ANXA2: variants seen among roughly 807,000 people sequenced by gnomAD.
The protein encoded by ANXA2 is annexin II.
ANXA2 carries 28 observed loss-of-function variants against 47.3 expected under a neutral mutation model. The observed-to-expected ratio is 0.59, with a 90% CI of 0.44 to 0.81. The LOEUF is 0.81. Among genes scored for constraint, ANXA2 ranks in the 40% least tolerant of loss-of-function variants. The probability of loss-of-function intolerance (pLI) is 0.00; values close to 1 mark genes in which losing one functional copy is unlikely to be tolerated. For synonymous variants in ANXA2, 172 were observed against 155.5 expected (o/e 1.11, Z -0.79); for missense variants, 384 against 414.3 (o/e 0.93, Z 0.64).
At chr15:60,393,793 G>A (rs980612249) in intron 1 of ANXA2, among the ~76,000 whole-genome samples, 2 of 152,126 alleles carry the variant, frequency 1.3e-5, no homozygotes, top group Non-Finnish European at 2.9e-5. Flanking sequence ...CGCCCACAGG[G>A]TTTCCAACTT....
chr15:60,361,349 C>T (rs1216275626), intron 4 of ANXA2: 2 of 360,966 alleles, frequency 5.5e-6, no homozygotes, highest in African/African-American at 4.2e-5. Flanking sequence ...TGTGAGAGTG[C>T]AGGCACTTTG....
At chr15:60,357,701 G>A (rs1245337964) in intron 5 of ANXA2, among the ~76,000 whole-genome samples, 2 of 152,038 alleles carry the variant, frequency 1.3e-5, no homozygotes, top group Middle Eastern at 3.2e-3. Context: ...GGCTGAGGCA[G>A]GAGAATGGCG....
intron 7 of ANXA2, among the ~76,000 whole-genome samples, chr15:60,354,507 G>A (rs2062395715): frequency 6.6e-6 from 1 of 150,944 alleles, no homozygotes; most frequent in Non-Finnish European, 1.5e-5. Flanking sequence ...GCACATGCCT[G>A]TAGTCCCAGC....
intron 3 of ANXA2, among the ~76,000 whole-genome samples, chr15:60,379,356 A>G (rs573866112): frequency 5.0e-4 from 76 of 152,354 alleles, no homozygotes; most frequent in African/African-American, 1.7e-3. Context: ...TCTGGGGGAA[A>G]AAAAAGGAGA....
At chr15:60,351,374 C>A in intron 10 of ANXA2, 123 bp from the exon 11 acceptor site, 1 of 925,972 alleles carries the variant, frequency 1.1e-6, no homozygotes, top group South Asian at 1.4e-5. Flanking sequence ...AAAAGGGCTG[C>A]AAAATAGGAC....
rs140356576 is a variant in ANXA2 at position 60,351,812 on chromosome 15, A to G, written c.690T>C (p.Asp230=). ...CATAAGGGCTGTAACTCTTGTACCT[A>G]TCAAATACTGAGGAAAAACAACAAA... The part of the protein sequence containing the change: ...RSVPHLQKVF[D]RYKSYSPYDM... The change falls in exon 10 of 13, where the codon GAT becomes GAC. Residue 230 remains aspartate, a synonymous_variant. Coordinates refer to ENST00000451270, the MANE Select transcript of ANXA2 (RefSeq NM_004039.3). The G allele has an allele frequency of 3.6e-4, 582 of 1,609,658 alleles. 1 individual carries two copies. The highest frequency in any genetic ancestry group is 4.8e-4 in the Non-Finnish European group (560 of 1,176,112).
At chr15:60,358,496 G>C (rs1209019111) in intron 5 of ANXA2, among the ~76,000 whole-genome samples, 1 of 152,206 alleles carries the variant, frequency 6.6e-6, no homozygotes, top group African/African-American at 2.4e-5. Context: ...TGAAAAGCGT[G>C]TCAGCTATTA....
rs2062879062 is a variant in ANXA2, at chr15:60,382,658, G to A, written c.49-217C>T. ...CAAAGGCTCAGCTAGTTTAGAATAT[G>A]CTGTCTCAATTTCAACTTCTCATCT... On this transcript the variant is annotated intron_variant, in intron 2 of 12. Coordinates refer to ENST00000451270, the MANE Select transcript of ANXA2 (RefSeq NM_004039.3). 6 of 387,200 alleles carry A rather than the reference G, an allele frequency of 1.5e-5. No individual in the cohort carries two copies. In the South Asian group the frequency reaches 2.1e-4, roughly 14 times the overall value. 24.0% of individuals were successfully genotyped at this position (387,200 alleles called of 1,614,324 possible). A position where few individuals can be genotyped will look rare whatever the true frequency, so the allele number is the denominator to read the frequency against.
chr15:60,354,153 C>CCCAAGATGA lies in ANXA2; in HGVS notation c.588_588+1insTCATCTTGG (p.Arg196_Asp197insSerSerTrp). ...CTCAAAGCAAAAAGCTCAGCACTTA[C>CCCAAGATGA]CCGAGCATCTTGGTCAATCAGTTCA... On this transcript the variant is annotated inframe_insertion and splice_region_variant. Coordinates refer to ENST00000451270, the MANE Select transcript of ANXA2 (RefSeq NM_004039.3). 6.2e-7 allele frequency: 1 copy of CCCAAGATGA among 1,613,464 alleles called. No individual in the cohort carries two copies. The highest frequency in any genetic ancestry group is 8.5e-7 in the Non-Finnish European group (1 of 1,179,490).
At chr15:60,364,232 A>G (rs1392982924) in intron 4 of ANXA2, among the ~76,000 whole-genome samples, 197 bp downstream of exon 4, 1 of 152,244 alleles carries the variant, frequency 6.6e-6, no homozygotes, top group African/African-American at 2.4e-5. Context: ...TGATGACCTG[A>G]GGTGCACGCG....
At chr15:60,350,500 G>A (rs1404079416) in intron 11 of ANXA2, among the ~76,000 whole-genome samples, 1 of 152,178 alleles carries the variant, frequency 6.6e-6, no homozygotes, top group Non-Finnish European at 1.5e-5. Context: ...GCACCAAGGG[G>A]TGCTATTTGA....
intron 3 of ANXA2, among the ~76,000 whole-genome samples, chr15:60,371,877 C>T (rs8030804): frequency 0.39 from 59,028 of 152,066 alleles, 11,865 homozygotes; most frequent in Admixed American, 0.53. Flanking sequence ...TTTTGCCGGG[C>T]GCGGTGGCTC....
intron 1 of ANXA2, chr15:60,390,422 C>T: frequency 3.8e-6 from 2 of 525,148 alleles, no homozygotes; most frequent in South Asian, 1.5e-5. Context: ...GTGTGGCAAG[C>T]ACCAACCCCA....
At chr15:60,368,316 A>AT (rs1555401435) in intron 3 of ANXA2, among the ~76,000 whole-genome samples, 93 of 114,006 alleles carry the variant, frequency 8.2e-4, no homozygotes, top group East Asian at 3.0e-3. Flanking sequence ...AATAAAAAAA[A>AT]AAAATAAAAT....
intron 3 of ANXA2, chr15:60,374,714 A>G: frequency 2.2e-6 from 1 of 456,072 alleles, no homozygotes; most frequent in South Asian, 1.5e-5. Flanking sequence ...TATCACTACA[A>G]AGAAAATCTG....
intron 3 of ANXA2, among the ~76,000 whole-genome samples, chr15:60,367,734 A>AG (rs1160156009): frequency 9.8e-6 from 1 of 102,428 alleles, no homozygotes; most frequent in African/African-American, 4.4e-5. Context: ...CCGGGAGGTG[A>AG]GGGGCGCTTC....
chr15:60,361,376 A>C, intron 4 of ANXA2: 1 of 284,958 alleles, frequency 3.5e-6, no homozygotes, highest in Non-Finnish European at 6.9e-6. Flanking sequence ...GCTTGAAAGC[A>C]GTAACACTCC....
At chr15:60,395,873 C>CAGAT (rs910555469) in intron 1 of ANXA2, 34 of 152,334 alleles carry the variant, frequency 2.2e-4, no homozygotes, top group African/African-American at 7.9e-4. Flanking sequence ...CCTTCCACTG[C>CAGAT]AGATGCAAGG....
rs1255936602 is a variant in ANXA2 at position 60,352,417 on chromosome 15, G to C, written c.648C>G (p.Ile216Met). 1 of 1,613,714 alleles carries C rather than the reference G, an allele frequency of 6.2e-7. No homozygotes were observed. The highest frequency in any genetic ancestry group is 1.1e-5 in the South Asian group (1 of 91,060). The change falls in exon 9 of 13, where the codon ATC (isoleucine) becomes ATG (methionine). Residue 216 changes from isoleucine (I) to methionine (M), a missense_variant. Coordinates refer to ENST00000451270, the MANE Select transcript of ANXA2 (RefSeq NM_004039.3). This position sits in a 1 kb window ranked among gnomAD's most constrained non-coding sequence, Gnocchi z 4.2. ...KGTDVPKWIS[I>M]MTERSVPHLQ... ...GGTGGGGCACGCTCCGCTCGGTCAT[G>C]ATGCTGATCCACTTGGGAACATCAG...
Sources: allele counts gnomAD v4.1 joint callset (sites outside exome capture counted in the v4.1 genomes callset), GRCh38; gene constraint gnomAD v4.1.1; non-coding constraint Gnocchi (gnomAD v3.1); transcripts MANE v1.5; gene names NCBI Gene and HGNC (gene_info 2026-07-23, HGNC 2026-07-21).